Variants in PCDH10 observed in about 807,000 individuals in gnomAD.
PCDH10 encodes protocadherin 10.
PCDH10 carries 15 observed loss-of-function variants against 74.4 expected under a neutral mutation model. The ratio of observed to expected loss-of-function variants is 0.20; its 90% CI spans 0.13 to 0.31. The LOEUF (loss-of-function observed/expected upper bound fraction) is 0.31. Ranked by LOEUF, PCDH10 falls within the 10% of genes least tolerant of loss-of-function variation. PCDH10 has a pLI of 1.00. For synonymous variants in PCDH10, 619 were observed against 589.8 expected (o/e 1.05, Z -0.72); for missense variants, 1,260 against 1,390.2 (o/e 0.91, Z 1.49).
intron 4 of PCDH10, among the ~76,000 whole-genome samples, chr4:133,166,141 A>G (rs187039088): frequency 2.6e-5 from 4 of 151,682 alleles, no homozygotes; most frequent in Admixed American, 2.6e-4. Flanking sequence ...GTAGTTTGCT[A>G]AGTTGATATG....
chr4:133,153,582 G>A (rs1726790797), intron 1 of PCDH10: 1 of 152,052 alleles, frequency 6.6e-6, no homozygotes, highest in African/African-American at 2.4e-5. Flanking sequence ...TTTTTAAAAG[G>A]ATGGAGAAGT....
chr4:133,179,840 G>A lies in PCDH10; in HGVS notation c.3104-10301G>A, dbSNP rs563485626. Among the ~76,000 whole-genome samples, 12 of 152,012 alleles carry A rather than the reference G, an allele frequency of 7.9e-5. No individual in the cohort carries two copies. In the South Asian group the frequency reaches 2.5e-3, roughly 32 times the overall value. Reference sequence around the variant, plus strand: ...AAATGCTTATAGACTACATCAATGAGTCAATAAATGAAATATTCTGAATGG... The same window carrying A: ...AAATGCTTATAGACTACATCAATGAATCAATAAATGAAATATTCTGAATGG... On this transcript the variant is annotated intron_variant, in intron 4 of 4. Coordinates refer to ENST00000264360, the MANE Select transcript of PCDH10 (RefSeq NM_032961.3).
intron 4 of PCDH10, among the ~76,000 whole-genome samples, chr4:133,167,380 G>A (rs1411913361): frequency 6.6e-6 from 1 of 151,464 alleles, no homozygotes. Context: ...AGTGCAGTAA[G>A]AGCGTACATA....
intron 4 of PCDH10, among the ~76,000 whole-genome samples, chr4:133,185,348 T>G (rs1261853298): frequency 6.6e-6 from 1 of 151,928 alleles, no homozygotes. Context: ...TACCCTCTTT[T>G]AATAGTTAAC....
rs1394979289 is a variant in PCDH10, at chr4:133,163,281, G to C, written c.3102G>C (p.Leu1034Phe). ...NTRAPYKPPY[L>F]TRKRIC ...GAGCGCCTTACAAACCACCATATTT[G>C]AGTAAGTATTACACAAAGGGCTCTG... The change falls in exon 4 of 5, where the codon TTG (leucine) becomes TTC (phenylalanine). Residue 1034 changes from leucine (L) to phenylalanine (F), a missense_variant and splice_region_variant. Transcript: ENST00000264360. 1 of 1,607,548 alleles carries C rather than the reference G, an allele frequency of 6.2e-7. No homozygotes were observed. Among genetic ancestry groups the C allele is most frequent in the Non-Finnish European group, 8.5e-7 (1 of 1,176,696 alleles).
At chr4:133,172,134 A>G (rs986631486) in intron 4 of PCDH10, among the ~76,000 whole-genome samples, 3 of 152,162 alleles carry the variant, frequency 2.0e-5, no homozygotes, top group Admixed American at 6.5e-5. Context: ...TTGACCAAAC[A>G]TGTTTCATCC....
rs1221785019 is a variant in PCDH10 at position 133,151,552 on chromosome 4, A to T, written c.1412A>T (p.Tyr471Phe). ...PRFSQPVYDV[Y>F]VTENNVPGAY... Reference sequence around the variant, plus strand: ...TTCAGCCAGCCGGTCTACGACGTGTATGTGACTGAAAACAACGTGCCTGGC... The same window carrying T: ...TTCAGCCAGCCGGTCTACGACGTGTTTGTGACTGAAAACAACGTGCCTGGC... The change falls in exon 1 of 5, where the codon TAT (tyrosine) becomes TTT (phenylalanine). Residue 471 changes from tyrosine to phenylalanine, a missense_variant. Tyr to Phe is a conservative substitution (Grantham distance 22, BLOSUM62 3). Transcript: ENST00000264360. 1.2e-6 allele frequency: 2 copies of T among 1,614,010 alleles called. No homozygotes were observed. Among genetic ancestry groups the T allele is most frequent in the South Asian group, 1.1e-5 (1 of 91,072 alleles).
At chr4:133,181,841 G>A (rs1348397346) in intron 4 of PCDH10, among the ~76,000 whole-genome samples, 1 of 152,116 alleles carries the variant, frequency 6.6e-6, no homozygotes, top group East Asian at 1.9e-4. Flanking sequence ...TACGTTGTAT[G>A]TCTTGTGTCT....
chr4:133,180,693 A>T (rs921187901), intron 4 of PCDH10, among the ~76,000 whole-genome samples: 1 of 151,948 alleles, frequency 6.6e-6, no homozygotes, highest in African/African-American at 2.4e-5. Flanking sequence ...AATTTATTGT[A>T]ATACTTTGCA....
At chr4:133,188,511 C>G (rs1461316112) in intron 4 of PCDH10, among the ~76,000 whole-genome samples, 1 of 151,906 alleles carries the variant, frequency 6.6e-6, no homozygotes, top group Admixed American at 6.6e-5. Context: ...TAATGACTAC[C>G]ATATATTGTA....
chr4:133,176,699 A>G (rs1727303198), intron 4 of PCDH10, among the ~76,000 whole-genome samples: 1 of 152,194 alleles, frequency 6.6e-6, no homozygotes, highest in South Asian at 2.1e-4. Context: ...TGGAACAGAT[A>G]TTATAGAACC....
Position 133,154,356 on chromosome 4 carries a change from G to A in PCDH10, c.2681G>A (p.Arg894Gln), listed in dbSNP as rs531296768. 5.6e-5 allele frequency: 89 copies of A among 1,602,764 alleles called. No homozygotes were observed. The highest frequency in any genetic ancestry group is 7.1e-5 in the Non-Finnish European group (83 of 1,173,706). ...AGCTATCTAGTTGACAGACCTCGCC[G>A]AGTTAACAGGTATGGACTCTTTTTT... ...ELSYLVDRPR[R>Q]VNSSAFQEAD... The change falls in exon 2 of 5, where the codon CGA becomes CAA. Residue 894 changes from arginine (R) to glutamine (Q), a missense_variant. Around this residue, in one of 11 missense-constraint regions of PCDH10, gnomAD observed 587 missense variants for 616.9 expected, o/e 0.95. Transcript: ENST00000264360.
At chr4:133,196,651 T>C (rs1307151793), downstream of PCDH10, among the ~76,000 whole-genome samples, 1 of 152,160 alleles carries the variant, frequency 6.6e-6, no homozygotes, top group Non-Finnish European at 1.5e-5. Context: ...AGGAAAGTGG[T>C]TTGTTTTGGG....
At position 133,149,856 on chromosome 4, in the gene PCDH10, G is replaced by T; in HGVS notation, c.-285G>T. On this transcript the variant is annotated 5_prime_UTR_variant, in exon 1 of 5. Transcript: ENST00000264360. ...GTCGGAATAAAGGACGCTGACTATT[G>T]TATTATTGTTATTTTATTAATTAGT... 3.4e-6 allele frequency: 1 copy of T among 296,586 alleles called. No individual in the cohort carries two copies. The highest frequency in any genetic ancestry group is 6.2e-6 in the Non-Finnish European group (1 of 160,916). The allele number at this position is 296,586 out of a possible 1,614,324, so 18.4% of individuals were successfully genotyped here.
chr4:133,170,311 A>G (rs1578567468), intron 4 of PCDH10, among the ~76,000 whole-genome samples: 1 of 152,094 alleles, frequency 6.6e-6, no homozygotes, highest in African/African-American at 2.4e-5. Context: ...TGACTGTATG[A>G]AGAGACAATA....
rs549958505 is a variant in PCDH10 at position 133,165,275 on chromosome 4, A to C, written c.3103+1993A>C. On this transcript the variant is annotated intron_variant, in intron 4 of 4. Coordinates refer to ENST00000264360, the MANE Select transcript of PCDH10 (RefSeq NM_032961.3). ...TCACTTCTGCTCTTCTTAGTTCTTC[A>C]TACGACTTTAATCATGTCTAGACTG... Among the ~76,000 whole-genome samples, 593 of 147,926 alleles carry C rather than the reference A, an allele frequency of 4.0e-3. 2 individuals carry two copies. Among genetic ancestry groups the C allele is most frequent in the Non-Finnish European group, 7.5e-3 (500 of 66,988 alleles).
At chr4:133,173,815 A>G (rs546235575) in intron 4 of PCDH10, among the ~76,000 whole-genome samples, 83 of 151,814 alleles carry the variant, frequency 5.5e-4, no homozygotes, top group Non-Finnish European at 8.4e-4. Flanking sequence ...TTGTAGTTTT[A>G]GAAAGAGATT....
At position 133,151,972 on chromosome 4, in the gene PCDH10, G is replaced by A; in HGVS notation, c.1832G>A (p.Gly611Asp). Residue 611 changes from glycine to aspartate, a missense_variant, in exon 1 of 5, where the codon GGC (glycine) becomes GAC (aspartate). This residue lies in a region of PCDH10 where 587 missense variants were observed against 616.9 expected (regional missense o/e 0.95). Transcript: ENST00000264360. ...TRVAAVDADD[G>D]ENARLTYSIV... ...GTGGCCGCCGTGGACGCGGACGACG[G>A]CGAGAACGCCCGGCTCACTTACAGC... 1 of 1,612,658 alleles carries A rather than the reference G, an allele frequency of 6.2e-7. No homozygotes were observed. Among genetic ancestry groups the A allele is most frequent in the Non-Finnish European group, 8.5e-7 (1 of 1,179,806 alleles).
At chr4:133,188,887 C>G (rs1231070141) in intron 4 of PCDH10, among the ~76,000 whole-genome samples, 1 of 151,826 alleles carries the variant, frequency 6.6e-6, no homozygotes, top group Non-Finnish European at 1.5e-5. Context: ...GTTGGCCAGG[C>G]TGGTTTCAAA....
Sources: gnomAD v4.1 joint callset for allele counts (sites outside exome capture counted in the v4.1 genomes callset) on GRCh38, gnomAD v4.1.1 for gene constraint, gnomAD v4.1.1 regional missense constraint, MANE v1.5 for transcripts, NCBI Gene and HGNC (gene_info 2026-07-23, HGNC 2026-07-21) for gene names.